Variants in CLNK observed in about 807,000 individuals in gnomAD.
The protein encoded by CLNK is cytokine dependent hematopoietic cell linker.
Under a neutral mutation model 68.6 loss-of-function variants are expected in CLNK, and 74 were observed. That is an observed-to-expected ratio of 1.08 (90% confidence interval 0.89 to 1.31). The LOEUF is 1.31. CLNK is among the 50% of genes most tolerant of loss of function. The pLI is 0.00. For synonymous variants in CLNK, 198 were observed against 172.2 expected (o/e 1.15, Z -1.17); for missense variants, 553 against 515.3 (o/e 1.07, Z -0.71).
chr4:10,558,875 G>A (rs922830527), intron 7 of CLNK, among the ~76,000 whole-genome samples: 2 of 152,130 alleles, frequency 1.3e-5, no homozygotes, highest in Non-Finnish European at 2.9e-5. Flanking sequence ...GGGAAGGCCT[G>A]GGTTAGGATT....
At chr4:10,667,416 AT>A (rs139042232) in intron 2 of CLNK, among the ~76,000 whole-genome samples, 133 of 99,982 alleles carry the variant, frequency 1.3e-3, no homozygotes, top group African/African-American at 2.6e-3. Flanking sequence ...CAGGGATGGC[AT>A]TTTTTTTTTT....
the CLNK span, among the ~76,000 whole-genome samples, chr4:10,723,674 G>A: frequency 6.6e-6 from 1 of 152,078 alleles, no homozygotes; most frequent in African/African-American, 2.4e-5. Context: ...CCCTTGTGCG[G>A]TAATAACAAC....
At chr4:10,530,813 C>T (rs2286464) in intron 12 of CLNK, among the ~76,000 whole-genome samples, 5,189 of 152,158 alleles carry the variant, frequency 0.034, 300 homozygotes, top group African/African-American at 0.11. Flanking sequence ...TGTGTGGGTT[C>T]CCCCAGCAGC....
At chr4:10,512,521 G>A (rs148787646) in intron 16 of CLNK, among the ~76,000 whole-genome samples, 46 of 152,080 alleles carry the variant, frequency 3.0e-4, no homozygotes, top group African/African-American at 1.0e-3. Context: ...ATGAGCCACC[G>A]TGCCTGGCCA....
intron 2 of CLNK, among the ~76,000 whole-genome samples, chr4:10,642,888 G>C (rs1723364891): frequency 6.6e-6 from 1 of 152,188 alleles, no homozygotes; most frequent in Non-Finnish European, 1.5e-5. Context: ...AATGTTAAAT[G>C]CTTCAAAGCC....
intron 2 of CLNK, 112 bp from the exon 3 acceptor site, chr4:10,598,161 T>A: frequency 1.4e-6 from 1 of 693,422 alleles, no homozygotes; most frequent in East Asian, 2.7e-5. Flanking sequence ...TAAGTAATTA[T>A]GTCTCACACA....
intron 5 of CLNK, among the ~76,000 whole-genome samples, chr4:10,566,899 A>G (rs1258997791): frequency 6.6e-6 from 1 of 152,154 alleles, no homozygotes; most frequent in Non-Finnish European, 1.5e-5. Flanking sequence ...ACATTTAACA[A>G]AAGAAGTGCA....
the CLNK span, among the ~76,000 whole-genome samples, chr4:10,724,633 G>A: frequency 1.7e-3 from 265 of 152,246 alleles, 1 homozygote; most frequent in African/African-American, 5.8e-3. Context: ...TAAATCAGAT[G>A]GGGCTTTAGA....
At position 10,668,000 on chromosome 4, in the gene CLNK, C is replaced by G; in HGVS notation, c.-42-89G>C. 4 of 618,624 alleles carry G rather than the reference C, an allele frequency of 6.5e-6. No homozygotes were observed. The South Asian group carries it at 1.1e-4, about 18-fold the overall frequency. The allele number at this position is 618,624 out of a possible 1,614,324, so 38.3% of individuals were successfully genotyped here. A position where few individuals can be genotyped will look rare whatever the true frequency, so the allele number is the denominator to read the frequency against. Reference sequence around the variant, plus strand: ...AGCCACTGTTGCTGCTTGTTAAAATCGGATACAGGTGCTGGTTTAAAGGAA... The same window carrying G: ...AGCCACTGTTGCTGCTTGTTAAAATGGGATACAGGTGCTGGTTTAAAGGAA... On this transcript the variant is annotated intron_variant, in intron 1 of 18. Transcript: ENST00000226951.
At chr4:10,574,328 G>C (rs1318664627) in intron 4 of CLNK, among the ~76,000 whole-genome samples, 2 of 152,132 alleles carry the variant, frequency 1.3e-5, no homozygotes, top group Non-Finnish European at 2.9e-5. Context: ...TTCTCTGTGA[G>C]GCCCTACCTT....
the CLNK span, among the ~76,000 whole-genome samples, chr4:10,690,239 C>T: frequency 2.0e-5 from 3 of 152,150 alleles, no homozygotes; most frequent in African/African-American, 7.2e-5. Context: ...GCCCTGCTTC[C>T]TGGCCCAACC....
intron 8 of CLNK, among the ~76,000 whole-genome samples, chr4:10,557,413 A>G (rs1437525618): frequency 2.6e-5 from 4 of 152,128 alleles, no homozygotes; most frequent in African/African-American, 4.8e-5. Flanking sequence ...GAGATGGGGC[A>G]TTTACTCCCT....
intron 6 of CLNK, among the ~76,000 whole-genome samples, chr4:10,565,534 C>T (rs946222994): frequency 1.3e-5 from 2 of 152,202 alleles, no homozygotes; most frequent in Non-Finnish European, 2.9e-5. Flanking sequence ...GCCCTGCTGA[C>T]GCTCTTAGGC....
chr4:10,515,551 T>C (rs868597823), intron 15 of CLNK, among the ~76,000 whole-genome samples: 2 of 152,194 alleles, frequency 1.3e-5, no homozygotes, highest in Admixed American at 6.5e-5. Flanking sequence ...ACTTGGATAT[T>C]TGACAGATAT....
the CLNK span, among the ~76,000 whole-genome samples, chr4:10,702,312 A>C: frequency 6.6e-6 from 1 of 152,150 alleles, no homozygotes; most frequent in Non-Finnish European, 1.5e-5. Context: ...AATATGCACA[A>C]AGTAGACTTG....
intron 1 of CLNK, among the ~76,000 whole-genome samples, chr4:10,671,960 C>T (rs750489877): frequency 1.4e-4 from 22 of 152,138 alleles, no homozygotes; most frequent in Admixed American, 8.5e-4. Flanking sequence ...CAAAATAGCT[C>T]GCTTTGTCTC....
At chr4:10,508,240 C>T (rs1366435064) in intron 16 of CLNK, among the ~76,000 whole-genome samples, 3 of 152,194 alleles carry the variant, frequency 2.0e-5, no homozygotes, top group African/African-American at 7.2e-5. Context: ...GTTACTGCAG[C>T]TGGGGAATTC....
chr4:10,578,267 T>C (rs141564706), intron 4 of CLNK, among the ~76,000 whole-genome samples: 10 of 152,334 alleles, frequency 6.6e-5, no homozygotes, highest in Middle Eastern at 6.8e-3. Flanking sequence ...CAGATCTATA[T>C]TGAGAACTTG....
chr4:10,702,494 A>G, the CLNK span, among the ~76,000 whole-genome samples: 6 of 152,208 alleles, frequency 3.9e-5, no homozygotes, highest in Non-Finnish European at 7.3e-5. Flanking sequence ...ATGCATGCAC[A>G]TCACAGGATG....
Sources: allele counts gnomAD v4.1 joint callset (sites outside exome capture counted in the v4.1 genomes callset), GRCh38; gene constraint gnomAD v4.1.1; transcripts MANE v1.5; gene names NCBI Gene and HGNC (gene_info 2026-07-23, HGNC 2026-07-21).